Variants in TENM2 observed in about 807,000 individuals in gnomAD.
The protein encoded by TENM2 is teneurin-2.
TENM2 carries 52 observed loss-of-function variants against 245.2 expected under a neutral mutation model. The observed-to-expected ratio is 0.21, with a 90% CI of 0.17 to 0.27. TENM2 has a LOEUF of 0.27. TENM2 is among the 10% of genes least tolerant of loss of function. The probability of loss-of-function intolerance (pLI) is 1.00; values close to 1 mark genes in which losing one functional copy is unlikely to be tolerated. For missense variants in TENM2, 3,046 were observed against 3,666.8 expected, an observed-to-expected ratio of 0.83 and a Z score of 4.37; for synonymous variants, 1,363 against 1,438.9, an observed-to-expected ratio of 0.95 and a Z score of 1.19.
the TENM2 span, among the ~76,000 whole-genome samples, chr5:167,120,350 C>T: frequency 9.9e-5 from 15 of 152,120 alleles, no homozygotes; most frequent in East Asian, 3.9e-4. Context: ...CAAAGCTCCA[C>T]GAGAGAAGTG....
chr5:167,204,240 G>A, the TENM2 span, among the ~76,000 whole-genome samples: 5 of 152,130 alleles, frequency 3.3e-5, no homozygotes, highest in South Asian at 2.1e-4. Context: ...GGAGAAGAGG[G>A]TGGAATAAAT....
intron 2 of TENM2, among the ~76,000 whole-genome samples, chr5:167,645,551 A>C (rs186552301): frequency 1.3e-5 from 2 of 151,394 alleles, no homozygotes; most frequent in Admixed American, 6.6e-5. Context: ...AGGGACATAT[A>C]ATTTAGAAAG....
intron 5 of TENM2, among the ~76,000 whole-genome samples, chr5:168,009,935 G>A (rs1293830178): frequency 2.0e-5 from 3 of 152,138 alleles, no homozygotes; most frequent in Admixed American, 6.5e-5. Context: ...TCTAAGCTCA[G>A]TTAGGTTAAG....
At chr5:168,186,003 T>A (rs1760393391) in intron 13 of TENM2, 1 of 136,372 alleles carries the variant, frequency 7.3e-6, no homozygotes. Flanking sequence ...TGAATTTATA[T>A]ATATATATAT....
At chr5:168,219,340 A>T (rs1466075568) in intron 23 of TENM2, among the ~76,000 whole-genome samples, 1 of 152,174 alleles carries the variant, frequency 6.6e-6, no homozygotes, top group Non-Finnish European at 1.5e-5. Flanking sequence ...CGGAAATTAG[A>T]ATCTAAAAGG....
intron 2 of TENM2, among the ~76,000 whole-genome samples, chr5:167,846,613 A>G (rs1683362439): frequency 2.0e-5 from 3 of 152,222 alleles, no homozygotes; most frequent in Admixed American, 6.5e-5. Context: ...AAATGCTTCA[A>G]TGTTTCAATA....
chr5:167,462,187 C>A (rs1384838243), intron 2 of TENM2, among the ~76,000 whole-genome samples: 1 of 128,306 alleles, frequency 7.8e-6, no homozygotes, highest in Non-Finnish European at 1.7e-5. Context: ...CCCCACCCCC[C>A]CCCCCCATTG....
intron 1 of TENM2, among the ~76,000 whole-genome samples, chr5:167,348,836 T>G (rs1758639244): frequency 6.6e-6 from 1 of 152,208 alleles, no homozygotes; most frequent in Non-Finnish European, 1.5e-5. Flanking sequence ...CATCGTCAGA[T>G]TTCCTATCTT....
chr5:167,926,896 ATC>A (rs1213832334), intron 3 of TENM2, among the ~76,000 whole-genome samples: 1 of 152,216 alleles, frequency 6.6e-6, no homozygotes, highest in Non-Finnish European at 1.5e-5. Context: ...AGTACTTGGC[ATC>A]TCTCTGTCTT....
chr5:168,258,057 C>T (rs1767838172), intron 27 of TENM2, among the ~76,000 whole-genome samples: 1 of 152,164 alleles, frequency 6.6e-6, no homozygotes, highest in South Asian at 2.1e-4. Flanking sequence ...GAGACACATA[C>T]TCAGGACCTA....
chr5:167,704,619 T>G (rs1041751427), intron 2 of TENM2, among the ~76,000 whole-genome samples: 1 of 152,168 alleles, frequency 6.6e-6, no homozygotes, highest in Admixed American at 6.5e-5. Flanking sequence ...AAGAGGGCAG[T>G]ACAGGCCAGA....
At chr5:167,918,773 CCT>C (rs1777137613) in intron 3 of TENM2, among the ~76,000 whole-genome samples, 1 of 139,426 alleles carries the variant, frequency 7.2e-6, no homozygotes, top group Non-Finnish European at 1.6e-5. Context: ...ATATTTTTCT[CCT>C]TTTTTTTTTT....
At chr5:167,550,834 G>T (rs1772893084) in intron 2 of TENM2, among the ~76,000 whole-genome samples, 1 of 151,302 alleles carries the variant, frequency 6.6e-6, no homozygotes, top group South Asian at 2.1e-4. Flanking sequence ...GGTTCAAGCA[G>T]TTCTTCTGCC....
chr5:167,005,655 GTTTTTTT>G, the TENM2 span, among the ~76,000 whole-genome samples: 3 of 52,974 alleles, frequency 5.7e-5, no homozygotes, highest in African/African-American at 1.7e-4. Flanking sequence ...CTGTGTGTGG[GTTTTTTT>G]TTTTTTTTTT....
intron 1 of TENM2, among the ~76,000 whole-genome samples, chr5:167,285,342 C>A (rs1461757608): frequency 6.6e-6 from 1 of 152,146 alleles, no homozygotes; most frequent in Non-Finnish European, 1.5e-5. Flanking sequence ...TTAGATTCTC[C>A]TTGAACAAAT....
At chr5:167,449,509 CAGATAGAT>C (rs60756285) in intron 2 of TENM2, among the ~76,000 whole-genome samples, 50,641 of 143,526 alleles carry the variant, frequency 0.35, 8,879 homozygotes, top group Middle Eastern at 0.4. Context: ...TAAAGATATG[CAGATAGAT>C]AGATAGATAG....
chr5:167,509,061 AC>A (rs1358004396), intron 2 of TENM2, among the ~76,000 whole-genome samples: 7 of 152,100 alleles, frequency 4.6e-5, no homozygotes, highest in Admixed American at 2.6e-4. Context: ...CAGGTGATCC[AC>A]CCACCTCAGC....
At chr5:167,697,727 G>A (rs1411959101) in intron 2 of TENM2, among the ~76,000 whole-genome samples, 1 of 152,122 alleles carries the variant, frequency 6.6e-6, no homozygotes, top group Non-Finnish European at 1.5e-5. Context: ...GTTTCACCAT[G>A]TTGGGCAGGC....
intron 12 of TENM2, among the ~76,000 whole-genome samples, chr5:168,127,882 G>C (rs1216713407): frequency 6.6e-6 from 1 of 152,176 alleles, no homozygotes; most frequent in Non-Finnish European, 1.5e-5. Flanking sequence ...ACTACAGTTT[G>C]GCCCCTTGAA....
Sources: allele counts gnomAD v4.1 joint callset (sites outside exome capture counted in the v4.1 genomes callset), GRCh38; gene constraint gnomAD v4.1.1; transcripts MANE v1.5; gene names NCBI Gene and HGNC (gene_info 2026-07-23, HGNC 2026-07-21).